DRC1: variants seen among roughly 807,000 people sequenced by gnomAD.
The protein encoded by DRC1 is dynein regulatory complex subunit 1.
Under a neutral mutation model 98.7 loss-of-function variants are expected in DRC1, and 74 were observed. The observed-to-expected ratio is 0.75, with a 90% CI of 0.62 to 0.91. DRC1 has a LOEUF of 0.91. DRC1 is among the 40% of genes least tolerant of loss of function. The pLI is 0.00. For missense variants in DRC1, 875 were observed against 886.0 expected, an observed-to-expected ratio of 0.99 and a Z score of 0.16; for synonymous variants, 336 against 334.1, an observed-to-expected ratio of 1.01 and a Z score of -0.06.
rs569479477 is a variant in DRC1, at chr2:26,450,708, G to A, written c.1689+27G>A. 2.3e-5 allele frequency: 35 copies of A among 1,499,536 alleles called. No individual in the cohort carries two copies. In the East Asian group the frequency reaches 7.6e-4, roughly 32 times the overall value. The allele number at this position is 1,499,536 out of a possible 1,614,324, so 92.9% of individuals were successfully genotyped here. A position where few individuals can be genotyped will look rare whatever the true frequency, so the allele number is the denominator to read the frequency against. ...TAAGGCAAGGTGCAGAGAGAAGAAA[G>A]CATTTTCTTTCTTTCTTATTTATTT... is the stretch of plus-strand genomic sequence containing the variant. On this transcript the variant is annotated intron_variant, in intron 13 of 16. Transcript: ENST00000288710.
rs149334724 is a variant in DRC1 at position 26,448,745 on chromosome 2, C to T, written c.1451C>T (p.Pro484Leu). 1.2e-5 allele frequency: 20 copies of T among 1,614,194 alleles called. No individual in the cohort carries two copies. The highest frequency in any genetic ancestry group is 1.5e-5 in the Non-Finnish European group (18 of 1,180,038). Residue 484 changes from proline to leucine, a missense_variant, in exon 11 of 17, where the codon CCG (proline) becomes CTG (leucine). By Grantham distance (98) the Pro-to-Leu change is moderately conservative (BLOSUM62 -3). Coordinates refer to ENST00000288710, the MANE Select transcript of DRC1 (RefSeq NM_145038.5). Reference protein sequence around the residue: ...AAEPESYLDLPKQISEKTTKR... With the variant: ...AAEPESYLDLLKQISEKTTKR... ...GAACCAGAGTCCTACCTGGATTTGC[C>T]GAAGCAAATTTCTGAAAAAACTACC...
chr2:26,423,594 C>T (rs10186424), intron 3 of DRC1, among the ~76,000 whole-genome samples: 134,151 of 152,284 alleles, frequency 0.88, 60,046 homozygotes, highest in Non-Finnish European at 0.92. Context: ...TATTTTCCAT[C>T]ACTCATTGGT....
At chr2:26,455,942 TG>T (rs1401027195) in intron 16 of DRC1, among the ~76,000 whole-genome samples, 1 of 2,816 alleles carries the variant, frequency 3.6e-4, no homozygotes, top group Non-Finnish European at 0.022. Flanking sequence ...GTTGCACACG[TG>T]TGAGGTGACT....
rs1167224672 is a variant in DRC1 at position 26,424,374 on chromosome 2, T to C, written c.460T>C (p.Trp154Arg). ...GCAGAAGAGAATTCCCCAAGAGCTG[T>C]GGGAAATGCTCAATACCCAACAGCT... ...GKQKRIPQELWEMLNTQQLHC... is the reference protein window; with the variant it reads ...GKQKRIPQELREMLNTQQLHC... The change falls in exon 4 of 17, where the codon TGG (tryptophan) becomes CGG (arginine). Residue 154 changes from tryptophan (W) to arginine (R), a missense_variant. Trp to Arg is a moderately radical substitution (Grantham distance 101). Coordinates refer to ENST00000288710, the MANE Select transcript of DRC1 (RefSeq NM_145038.5). 3.1e-6 allele frequency: 5 copies of C among 1,613,638 alleles called. No homozygotes were observed. The Admixed American group carries it at 6.7e-5, about 22-fold the overall frequency.
intron 2 of DRC1, among the ~76,000 whole-genome samples, chr2:26,418,306 T>C (rs989473671): frequency 2.0e-5 from 3 of 151,176 alleles, no homozygotes; most frequent in African/African-American, 7.3e-5. Context: ...AGGGTATAGA[T>C]GGAGCTTGGA....
intron 1 of DRC1, among the ~76,000 whole-genome samples, chr2:26,413,437 C>A (rs910900263): frequency 3.3e-5 from 5 of 152,266 alleles, no homozygotes; most frequent in African/African-American, 7.2e-5. Context: ...GCCTTTTAGA[C>A]ACGTTGTTAT....
At chr2:26,437,278 A>T (rs1291494348) in intron 7 of DRC1, among the ~76,000 whole-genome samples, 1 of 152,254 alleles carries the variant, frequency 6.6e-6, no homozygotes, top group Non-Finnish European at 1.5e-5. Context: ...GATAACTGCC[A>T]TTGAAATGAG....
chr2:26,426,535 T>G (rs527386533), intron 4 of DRC1, among the ~76,000 whole-genome samples: 1 of 151,818 alleles, frequency 6.6e-6, no homozygotes, highest in Non-Finnish European at 1.5e-5. Context: ...CCTGGCTAAT[T>G]TTTGCATTTT....
At position 26,430,812 on chromosome 2, in the gene DRC1, G is replaced by T. The variant is rs1663414438; in HGVS notation, c.705G>T (p.Glu235Asp). The T allele has an allele frequency of 6.2e-7, 1 of 1,614,144 alleles. No homozygotes were observed. The highest frequency in any genetic ancestry group is 8.5e-7 in the Non-Finnish European group (1 of 1,180,002). Residue 235 changes from glutamate (E) to aspartate (D), a missense_variant, in exon 6 of 17, where the codon GAG becomes GAT. By Grantham distance (45) the Glu-to-Asp change is conservative. Transcript: ENST00000288710. ...IEKAFEVERQ[E>D]LLASNKKKWE... ...AAGCATTTGAGGTGGAACGCCAAGA[G>T]CTACTGGCCAGTAATAAGAAGAAAT...
chr2:26,410,065 A>ATGGC (rs1208576168), intron 1 of DRC1, among the ~76,000 whole-genome samples: 1 of 151,848 alleles, frequency 6.6e-6, no homozygotes, highest in Non-Finnish European at 1.5e-5. Flanking sequence ...AAGAGATGAT[A>ATGGC]TGGCAACCAC....
rs193100172 is a variant in DRC1 at position 26,433,891 on chromosome 2, G to A, written c.888+1885G>A. ...TTCTTTCCTGTGTCAGATGGAAACC[G>A]AGGCTACCTGTACCACTTTCCACAC... On this transcript the variant is annotated intron_variant, in intron 7 of 16. Coordinates refer to ENST00000288710, the MANE Select transcript of DRC1 (RefSeq NM_145038.5). Among the ~76,000 whole-genome samples the A allele has an allele frequency of 1.7e-3, 265 of 152,182 alleles. 1 individual carries two copies. The highest frequency in any genetic ancestry group is 6.0e-3 in the African/African-American group (249 of 41,530).
chr2:26,437,984 T>G (rs1259478192), intron 7 of DRC1, among the ~76,000 whole-genome samples: 1 of 148,004 alleles, frequency 6.8e-6, no homozygotes, highest in Non-Finnish European at 1.5e-5. Context: ...CCCAGCTATT[T>G]GGGAGGCTGA....
rs765284856 is a variant in DRC1, at chr2:26,456,552, C to T, written c.*35C>T. On this transcript the variant is annotated 3_prime_UTR_variant, in exon 17 of 17. Coordinates refer to ENST00000288710, the MANE Select transcript of DRC1 (RefSeq NM_145038.5). ...CCAAAGGCTGATGTGTTAGGGCTGG[C>T]CTGATGCTGGTGTCTGTGCCGGAGC... 2.0e-5 allele frequency: 32 copies of T among 1,612,936 alleles called. No individual in the cohort carries two copies. Among genetic ancestry groups the T allele is most frequent in the Non-Finnish European group, 2.7e-5 (32 of 1,179,170 alleles).
At chr2:26,439,571 T>A (rs1663658718) in intron 7 of DRC1, among the ~76,000 whole-genome samples, 1 of 152,128 alleles carries the variant, frequency 6.6e-6, no homozygotes, top group Non-Finnish European at 1.5e-5. Context: ...GAGCCTGGGT[T>A]GCTAAACACT....
At chr2:26,434,620 G>A (rs1237757511) in intron 7 of DRC1, among the ~76,000 whole-genome samples, 8 of 152,314 alleles carry the variant, frequency 5.3e-5, no homozygotes, top group Admixed American at 3.3e-4. Context: ...CGCCAGGCAC[G>A]GTGGCTCATG....
At chr2:26,408,474 T>A (rs988068281) in intron 1 of DRC1, among the ~76,000 whole-genome samples, 6 of 152,054 alleles carry the variant, frequency 3.9e-5, no homozygotes, top group African/African-American at 1.4e-4. Context: ...AAAGAAGGAT[T>A]TAAAGACACT....
At chr2:26,402,957 C>T (rs1345211810) in intron 1 of DRC1, among the ~76,000 whole-genome samples, 1 of 152,222 alleles carries the variant, frequency 6.6e-6, no homozygotes, top group Non-Finnish European at 1.5e-5. Context: ...GGCCTCTTTC[C>T]TAGCTGCTCA....
At chr2:26,436,978 T>A (rs1285829188) in intron 7 of DRC1, among the ~76,000 whole-genome samples, 4 of 152,184 alleles carry the variant, frequency 2.6e-5, no homozygotes, top group Non-Finnish European at 4.4e-5. Context: ...GATGGTTACA[T>A]CCCATATGGA....
intron 3 of DRC1, among the ~76,000 whole-genome samples, chr2:26,422,473 A>G (rs754402385): frequency 1.1e-4 from 16 of 152,190 alleles, no homozygotes; most frequent in African/African-American, 3.4e-4. Context: ...CTGCACGCCC[A>G]TGTCCCAGGT....
Sources: gnomAD v4.1 joint callset for allele counts (sites outside exome capture counted in the v4.1 genomes callset) on GRCh38, gnomAD v4.1.1 for gene constraint, MANE v1.5 for transcripts, NCBI Gene and HGNC (gene_info 2026-07-23, HGNC 2026-07-21) for gene names.